Variants in PIP5K1A observed in about 807,000 individuals in gnomAD.
PIP5K1A encodes phosphatidylinositol 4-phosphate 5-kinase type-1 alpha.
A neutral mutation model predicts 72.9 loss-of-function variants in PIP5K1A; 46 were observed. That is an observed-to-expected ratio of 0.63 (90% CI 0.50 to 0.81). The LOEUF (loss-of-function observed/expected upper bound fraction) is 0.81, where lower values mean the gene tolerates loss of function less well. Among genes scored for constraint, PIP5K1A ranks in the 30% least tolerant of loss-of-function variants. The pLI is 0.00. For missense variants in PIP5K1A, 458 were observed against 706.1 expected (o/e 0.65, Z 3.98); for synonymous variants, 228 against 255.1 (o/e 0.89, Z 1.01).
At chr1:151,245,375 C>T (rs1053847819) in intron 14 of PIP5K1A, among the ~76,000 whole-genome samples, 6 of 152,118 alleles carry the variant, frequency 3.9e-5, no homozygotes, top group Non-Finnish European at 7.4e-5. Flanking sequence ...CACTGGTAAC[C>T]CCCTTTAAGT....
chr1:151,245,667 C>G (rs996189297), intron 14 of PIP5K1A, among the ~76,000 whole-genome samples: 5 of 152,118 alleles, frequency 3.3e-5, no homozygotes, highest in Admixed American at 1.3e-4. Flanking sequence ...TCCCGAGGAG[C>G]TGGGATTACA....
Position 151,236,656 on chromosome 1 carries a change from C to A in PIP5K1A, c.1038C>A (p.Tyr346Ter). 1.2e-6 allele frequency: 2 copies of A among 1,613,532 alleles called. No individual in the cohort carries two copies. Among genetic ancestry groups the A allele is most frequent in the Non-Finnish European group, 1.7e-6 (2 of 1,179,660 alleles). The change falls in exon 9 of 16, where the codon TAC (tyrosine) becomes TAA (stop). Residue 346 changes from tyrosine (Y) to a stop codon, truncating the protein, a stop_gained. Transcript: ENST00000368888. LOFTEE classifies it high-confidence loss of function. ...AGCCCTTAAGCAGTGAAACACAGTA[C>A]TCAGTTGATACTCGAAGACCGGCCC... ...QREPLSSETQ[Y>*]SVDTRRPAPQ...
chr1:151,203,921 A>G (rs778467716), intron 1 of PIP5K1A, among the ~76,000 whole-genome samples: 1 of 152,176 alleles, frequency 6.6e-6, no homozygotes, highest in Non-Finnish European at 1.5e-5. Flanking sequence ...TAAAATGGTC[A>G]TCGCTCACCT....
chr1:151,215,899 TATC>T (rs1687521265), intron 1 of PIP5K1A: 1 of 902,250 alleles, frequency 1.1e-6, no homozygotes, highest in African/African-American at 1.7e-5. Flanking sequence ...CATGTATGCT[TATC>T]ATGCTGTAAG....
intron 8 of PIP5K1A, among the ~76,000 whole-genome samples, chr1:151,235,389 T>A (rs952379345): frequency 6.6e-6 from 1 of 152,186 alleles, no homozygotes; most frequent in Non-Finnish European, 1.5e-5. Flanking sequence ...GGCCTAGATA[T>A]CACTCTTGAC....
At chr1:151,226,017 GATCTTC>G (rs1689070486) in intron 3 of PIP5K1A, among the ~76,000 whole-genome samples, 1 of 151,374 alleles carries the variant, frequency 6.6e-6, no homozygotes, top group African/African-American at 2.4e-5. Flanking sequence ...AGGCTCAAGT[GATCTTC>G]CCCACTTGGC....
chr1:151,213,048 G>A (rs587735677), intron 1 of PIP5K1A, among the ~76,000 whole-genome samples: 30 of 151,634 alleles, frequency 2.0e-4, no homozygotes, highest in African/African-American at 6.8e-4. Flanking sequence ...CCGCCACCAC[G>A]CCCGGCTATT....
chr1:151,244,207 T>G, intron 14 of PIP5K1A, among the ~76,000 whole-genome samples: 1 of 151,100 alleles, frequency 6.6e-6, no homozygotes. Context: ...CGTGAAAATG[T>G]TATGTTGTTG....
intron 11 of PIP5K1A, 89 bp from the exon 12 acceptor site, chr1:151,239,866 T>G: frequency 1.1e-6 from 1 of 888,688 alleles, no homozygotes; most frequent in African/African-American, 1.7e-5. Flanking sequence ...ACCCTTCTGC[T>G]AGGGGCTCAG....
At chr1:151,244,147 G>GAA (rs200284026) in intron 14 of PIP5K1A, among the ~76,000 whole-genome samples, 3 of 61,076 alleles carry the variant, frequency 4.9e-5, no homozygotes, top group African/African-American at 1.3e-4. Flanking sequence ...CCATCCCTTT[G>GAA]AAAAAAAAAA....
intron 6 of PIP5K1A, 35 bp from the exon 7 acceptor site, chr1:151,232,516 G>A (rs759168854): frequency 1.3e-6 from 2 of 1,586,818 alleles, no homozygotes; most frequent in Non-Finnish European, 1.7e-6. Flanking sequence ...GCCCTGATGT[G>A]TCTAAATCTC....
At chr1:151,213,846 G>A (rs1390744487) in intron 1 of PIP5K1A, among the ~76,000 whole-genome samples, 1 of 151,928 alleles carries the variant, frequency 6.6e-6, no homozygotes, top group Non-Finnish European at 1.5e-5. Flanking sequence ...TCCTTTAATT[G>A]TTAAATTATG....
chr1:151,243,241 C>T (rs900191655), intron 14 of PIP5K1A, among the ~76,000 whole-genome samples: 13 of 152,152 alleles, frequency 8.5e-5, no homozygotes, highest in Non-Finnish European at 1.2e-4. Flanking sequence ...ATACACTGAC[C>T]CCCTCCCAGG....
intron 1 of PIP5K1A, among the ~76,000 whole-genome samples, chr1:151,205,529 G>A (rs765095861): frequency 1.3e-5 from 2 of 151,858 alleles, no homozygotes; most frequent in East Asian, 2.0e-4. Flanking sequence ...AACAAGAGCC[G>A]GGCATGGTGA....
At chr1:151,197,758 A>C (rs1247478862), upstream of PIP5K1A, among the ~76,000 whole-genome samples, 1 of 152,200 alleles carries the variant, frequency 6.6e-6, no homozygotes, top group Non-Finnish European at 1.5e-5. Context: ...TGAACCAAAC[A>C]CAGTCCTTGC....
Position 151,246,954 on chromosome 1 carries a change from G to C in PIP5K1A, c.1675G>C (p.Glu559Gln). ...GGAAAAGCTTGAAGTTGCAGAGTCA[G>C]AGTTCACCCATGTGAGTATCTGGGA... is the stretch of plus-strand genomic sequence containing the variant. ...TLEKLEVAES[E>Q]FTH The change falls in exon 15 of 16, where the codon GAG becomes CAG. Residue 559 changes from glutamate (E) to glutamine (Q), a missense_variant. By Grantham distance (29) the Glu-to-Gln change is conservative. This residue lies in a region of PIP5K1A where 157 missense variants were observed against 175.5 expected (regional missense o/e 0.89). Coordinates refer to ENST00000368888, the MANE Select transcript of PIP5K1A (RefSeq NM_001135638.2). 1 of 1,613,416 alleles carries C rather than the reference G, an allele frequency of 6.2e-7. No individual in the cohort carries two copies. The highest frequency in any genetic ancestry group is 1.1e-5 in the South Asian group (1 of 91,054).
chr1:151,211,040 A>G (rs587595458), intron 1 of PIP5K1A, among the ~76,000 whole-genome samples: 13 of 152,336 alleles, frequency 8.5e-5, no homozygotes, highest in South Asian at 2.1e-4. Flanking sequence ...TATTTCAAAC[A>G]TTAGAGTCAG....
chr1:151,239,006 T>A (rs1691272095), intron 10 of PIP5K1A, 124 bp from the exon 11 acceptor site: 1 of 671,898 alleles, frequency 1.5e-6, no homozygotes, highest in African/African-American at 1.8e-5. Flanking sequence ...TACCAGTAGA[T>A]GTGCTTTCTC....
rs773017804 is a variant in PIP5K1A at position 151,239,136 on chromosome 1, TAAG to T, written c.1240_1242del (p.Lys414del). ...ATGTACATTTTTCTTGCAGGTTTGT[TAAG>T]AAGTTGGAGCACTCTTGGAAAGCCC... is the stretch of plus-strand genomic sequence containing the variant. On this transcript the variant is annotated inframe_deletion, in exon 11 of 16. Transcript: ENST00000368888. 1.9e-6 allele frequency: 3 copies of T among 1,610,512 alleles called. No individual in the cohort carries two copies. Among genetic ancestry groups the T allele is most frequent in the Middle Eastern group, 1.7e-4 (1 of 6,056 alleles).
Sources: gnomAD v4.1 joint callset for allele counts (sites outside exome capture counted in the v4.1 genomes callset) on GRCh38, gnomAD v4.1.1 for gene constraint, gnomAD v4.1.1 regional missense constraint, MANE v1.5 for transcripts, NCBI Gene and HGNC (gene_info 2026-07-23, HGNC 2026-07-21) for gene names.